ETS1: variants seen among roughly 807,000 people sequenced by gnomAD.
ETS1 encodes the protein ETS proto-oncogene 1, transcription factor.
ETS1 carries 15 observed loss-of-function variants against 58.6 expected under a neutral mutation model. The ratio of observed to expected loss-of-function variants is 0.26; its 90% CI spans 0.17 to 0.39. The LOEUF (loss-of-function observed/expected upper bound fraction) is 0.39. ETS1 is among the 10% of genes least tolerant of loss of function. ETS1 has a pLI of 1.00. For missense variants in ETS1, 417 were observed against 610.5 expected (o/e 0.68, Z 3.34); for synonymous variants, 214 against 218.2 (o/e 0.98, Z 0.17).
intron 3 of ETS1, among the ~76,000 whole-genome samples, chr11:128,541,359 C>T (rs1864055585): frequency 6.6e-6 from 1 of 152,168 alleles, no homozygotes; most frequent in Non-Finnish European, 1.5e-5. Flanking sequence ...CTTGGAATTA[C>T]CCATGATCTA....
chr11:128,474,370 C>G (rs746161951), intron 8 of ETS1, among the ~76,000 whole-genome samples: 1 of 151,940 alleles, frequency 6.6e-6, no homozygotes, highest in African/African-American at 2.4e-5. Context: ...CCACTTTCCA[C>G]GTTTTTTAAA....
At chr11:128,552,323 T>C (rs990286531) in intron 3 of ETS1, among the ~76,000 whole-genome samples, 4 of 152,114 alleles carry the variant, frequency 2.6e-5, no homozygotes. Context: ...TGTGGTTGAG[T>C]GAAGGTTTTA....
Position 128,480,458 on chromosome 11 carries a change from G to A in ETS1, c.863-7C>T. 1.2e-6 allele frequency: 2 copies of A among 1,608,146 alleles called. No homozygotes were observed. The highest frequency in any genetic ancestry group is 2.2e-5 in the East Asian group (1 of 44,768). On this transcript the variant is annotated splice_polypyrimidine_tract_variant and splice_region_variant and intron_variant, in intron 7 of 9. Coordinates refer to ENST00000392668, the MANE Select transcript of ETS1 (RefSeq NM_001143820.2). ...TCCTGGCCCCCGAGTTTACCTGGAG[G>A]TAAAGGAGGAGGTAGGAAGAGGACA...
intron 3 of ETS1, among the ~76,000 whole-genome samples, chr11:128,538,920 T>C (rs1864014194): frequency 6.6e-6 from 1 of 152,244 alleles, no homozygotes; most frequent in African/African-American, 2.4e-5. Flanking sequence ...GACATATGTA[T>C]TTAAAAATCT....
At chr11:128,555,594 T>A (rs1864299474) in intron 3 of ETS1, among the ~76,000 whole-genome samples, 1 of 152,120 alleles carries the variant, frequency 6.6e-6, no homozygotes, top group African/African-American at 2.4e-5. Context: ...AAATTCAAAT[T>A]TAATGGTTTT....
intron 3 of ETS1, among the ~76,000 whole-genome samples, chr11:128,513,696 T>A (rs1236260242): frequency 1.3e-5 from 2 of 152,158 alleles, no homozygotes; most frequent in Admixed American, 6.5e-5. Flanking sequence ...AGTACAAAAG[T>A]CGGTTACATG....
At chr11:128,466,781 TC>T (rs1175985935) in intron 8 of ETS1, among the ~76,000 whole-genome samples, 14 of 151,964 alleles carry the variant, frequency 9.2e-5, no homozygotes, top group African/African-American at 3.4e-4. Flanking sequence ...CTTTTTTTTT[TC>T]TGTTTACACC....
chr11:128,559,836 A>G (rs1319591956), intron 2 of ETS1, among the ~76,000 whole-genome samples: 1 of 152,222 alleles, frequency 6.6e-6, no homozygotes, highest in African/African-American at 2.4e-5. Flanking sequence ...CAGGTCAGAA[A>G]TCTGGGCAGC....
At chr11:128,581,820 T>C (rs1864876511) in intron 1 of ETS1, among the ~76,000 whole-genome samples, 1 of 152,160 alleles carries the variant, frequency 6.6e-6, no homozygotes, top group Non-Finnish European at 1.5e-5. Context: ...TGGCTCTGGC[T>C]CTAAAGGAAT....
At chr11:128,512,410 T>C (rs1863415973) in intron 3 of ETS1, among the ~76,000 whole-genome samples, 1 of 152,226 alleles carries the variant, frequency 6.6e-6, no homozygotes. Flanking sequence ...AAAACTGGCA[T>C]GCTGAACTTA....
chr11:128,510,940 G>C (rs183868844), intron 3 of ETS1, among the ~76,000 whole-genome samples: 8 of 152,310 alleles, frequency 5.3e-5, no homozygotes. Context: ...ACAACACATT[G>C]TTTTAGAGAG....
chr11:128,480,896 G>C (rs1862468481), intron 7 of ETS1, among the ~76,000 whole-genome samples: 1 of 152,174 alleles, frequency 6.6e-6, no homozygotes, highest in Non-Finnish European at 1.5e-5. Flanking sequence ...AAGCCAATGA[G>C]ATGACTTCAA....
chr11:128,523,981 G>C (rs1863752642), intron 3 of ETS1, among the ~76,000 whole-genome samples: 1 of 152,120 alleles, frequency 6.6e-6, no homozygotes, highest in Non-Finnish European at 1.5e-5. Context: ...AGGAGAAGAA[G>C]TGAACAAATC....
At chr11:128,538,111 G>T (rs1222381678) in intron 3 of ETS1, among the ~76,000 whole-genome samples, 1 of 151,728 alleles carries the variant, frequency 6.6e-6, no homozygotes, top group Non-Finnish European at 1.5e-5. Context: ...GAAACTTACC[G>T]AAGAAAATAC....
chr11:128,541,346 T>C (rs1439580897), intron 3 of ETS1, among the ~76,000 whole-genome samples: 1 of 152,210 alleles, frequency 6.6e-6, no homozygotes, highest in Non-Finnish European at 1.5e-5. Flanking sequence ...AACCAGTCAG[T>C]AACTTGGAAT....
chr11:128,509,928 A>G (rs1355049791), intron 3 of ETS1, among the ~76,000 whole-genome samples: 3 of 152,224 alleles, frequency 2.0e-5, no homozygotes, highest in African/African-American at 7.2e-5. Flanking sequence ...GTATTTCTGT[A>G]AAGCACATTG....
In ETS1 at chr11:128,462,516, G is replaced by A. The variant is rs2135407696; in HGVS notation, c.1303C>T (p.Arg435Cys). 1 of 1,614,068 alleles carries A rather than the reference G, an allele frequency of 6.2e-7. No individual in the cohort carries two copies. Among genetic ancestry groups the A allele is most frequent in the Non-Finnish European group, 8.5e-7 (1 of 1,179,982 alleles). ...KPKMNYEKLS[R>C]GLRYYYDKNI... ...TTGTCGTAATAGTAGCGTAGGCCAC[G>A]GCTCAGTTTCTCATAATTCATCTTA... The change falls in exon 10 of 10, where the codon CGT becomes TGT. Residue 435 changes from arginine (R) to cysteine (C), a missense_variant. Physicochemically the swap from Arg to Cys is radical, Grantham distance 180. Coordinates refer to ENST00000392668, the MANE Select transcript of ETS1 (RefSeq NM_001143820.2).
intron 3 of ETS1, among the ~76,000 whole-genome samples, chr11:128,491,126 TAC>T (rs1231308146): frequency 6.6e-6 from 1 of 152,232 alleles, no homozygotes. Flanking sequence ...TACTAGTTTA[TAC>T]ACAGTCCCTG....
intron 3 of ETS1, among the ~76,000 whole-genome samples, chr11:128,529,463 C>T (rs762757968): frequency 1.3e-5 from 2 of 152,102 alleles, no homozygotes; most frequent in Non-Finnish European, 1.5e-5. Context: ...CCACTTTTGT[C>T]GAAGTAGAGT....
Sources: gnomAD v4.1 joint callset for allele counts (sites outside exome capture counted in the v4.1 genomes callset) on GRCh38, gnomAD v4.1.1 for gene constraint, MANE v1.5 for transcripts, NCBI Gene and HGNC (gene_info 2026-07-23, HGNC 2026-07-21) for gene names.